The following OSTC variants were observed in gnomAD, a reference collection of about 807,000 sequenced individuals.
OSTC encodes oligosaccharyltransferase complex non-catalytic subunit, also known as oligosaccharyltransferase complex subunit OSTC.
A neutral mutation model predicts 16.4 loss-of-function variants in OSTC; 16 were observed. The ratio of observed to expected loss-of-function variants is 0.98; its 90% confidence interval spans 0.66 to 1.49. OSTC has a LOEUF of 1.49. Ranked by LOEUF, OSTC falls within the 40% of genes most tolerant of loss-of-function variation. The pLI, the probability that OSTC is intolerant of heterozygous loss-of-function variation, is 0.00. For synonymous variants in OSTC, 67 were observed against 68.5 expected (o/e 0.98, Z 0.11); for missense variants, 139 against 186.3 (o/e 0.75, Z 1.48).
chr4:108,664,025 T>C (rs1306256243), intron 3 of OSTC, among the ~76,000 whole-genome samples: 1 of 152,224 alleles, frequency 6.6e-6, no homozygotes, highest in Non-Finnish European at 1.5e-5. Context: ...GTATATATTA[T>C]AGTAAGTGTA....
intron 3 of OSTC, among the ~76,000 whole-genome samples, chr4:108,657,894 A>G (rs1452502588): frequency 6.8e-6 from 1 of 146,396 alleles, no homozygotes; most frequent in Non-Finnish European, 1.5e-5. Flanking sequence ...CCTGGCATCA[A>G]TGACTGAAGA....
intron 3 of OSTC, among the ~76,000 whole-genome samples, chr4:108,663,826 T>C (rs1726925723): frequency 1.3e-5 from 2 of 152,242 alleles, no homozygotes; most frequent in East Asian, 1.9e-4. Context: ...TGAGTGATTA[T>C]TGAAAGAATG....
In OSTC at chr4:108,667,261, G is replaced by C; in HGVS notation, c.446G>C (p.Gly149Ala). ...MRMKLPGYLM[G>A] is the part of the protein sequence containing the mutation. ...TATTTCTGCAGGGGCTATCTGATGGGTTAGAGTGCCTTTGAGAAGAAATCA... is the reference window on the plus strand; with the variant it reads ...TATTTCTGCAGGGGCTATCTGATGGCTTAGAGTGCCTTTGAGAAGAAATCA... Residue 149 changes from glycine (G) to alanine (A), a missense_variant, in exon 4 of 4, where the codon GGT becomes GCT. By Grantham distance (60) the Gly-to-Ala change is moderately conservative. Coordinates refer to ENST00000361564, the MANE Select transcript of OSTC (RefSeq NM_021227.4). 2 of 1,609,158 alleles carry C rather than the reference G, an allele frequency of 1.2e-6. No homozygotes were observed. The highest frequency in any genetic ancestry group is 1.7e-6 in the Non-Finnish European group (2 of 1,177,250).
intron 3 of OSTC, among the ~76,000 whole-genome samples, chr4:108,659,210 G>A (rs1726791911): frequency 1.3e-5 from 2 of 150,258 alleles, no homozygotes; most frequent in African/African-American, 4.9e-5. Flanking sequence ...TGGAACGCTT[G>A]ACTTCATGAT....
At position 108,657,547 on chromosome 4, in the gene OSTC, A is replaced by G. The variant is rs2110383625; in HGVS notation, c.331A>G (p.Asn111Asp). The change falls in exon 3 of 4, where the codon AAT (asparagine) becomes GAT (aspartate). Residue 111 changes from asparagine (N) to aspartate (D), a missense_variant. Transcript: ENST00000361564. The stretch of plus-strand genomic sequence containing the variant: ...AATCCTGGACCGATCGAATGCACCA[A>G]ATATCCCAAAACTCAATAGATTCCT... ...FIILDRSNAP[N>D]IPKLNRFLLL... 6.2e-7 allele frequency: 1 copy of G among 1,613,784 alleles called. No individual in the cohort carries two copies. The highest frequency in any genetic ancestry group is 1.1e-5 in the South Asian group (1 of 91,070).
chr4:108,656,638 T>A (rs550101514), intron 2 of OSTC, among the ~76,000 whole-genome samples: 8 of 152,142 alleles, frequency 5.3e-5, no homozygotes, highest in Non-Finnish European at 1.2e-4. Context: ...TCACTGAAGT[T>A]CTTATGGGAC....
At chr4:108,659,772 A>AAAAAG (rs201220947) in intron 3 of OSTC, among the ~76,000 whole-genome samples, 8 of 152,120 alleles carry the variant, frequency 5.3e-5, no homozygotes, top group South Asian at 2.1e-4. Flanking sequence ...CCATCTCAAA[A>AAAAAG]AAAAGAAAAG....
intron 3 of OSTC, among the ~76,000 whole-genome samples, chr4:108,664,950 T>G (rs1172901521): frequency 1.3e-5 from 2 of 152,164 alleles, no homozygotes; most frequent in African/African-American, 2.4e-5. Context: ...GTGAGAAGTA[T>G]CTGGTTGTCA....
At position 108,667,692 on chromosome 4, in the gene OSTC, G is replaced by GC; in HGVS notation, c.*428dup. ...GCTGAGAACTCTGGACAGTTGATCA[G>GC]CTTTACCTATGGTGCTTTGCCTTTA... On this transcript the variant is annotated 3_prime_UTR_variant, in exon 4 of 4. Coordinates refer to ENST00000361564, the MANE Select transcript of OSTC (RefSeq NM_021227.4). 1 of 156,174 alleles carries GC rather than the reference G, an allele frequency of 6.4e-6. No individual in the cohort carries two copies. The highest frequency in any genetic ancestry group is 1.4e-5 in the Non-Finnish European group (1 of 70,552). 9.7% of individuals were successfully genotyped at this position (156,174 alleles called of 1,614,324 possible). A position where few individuals can be genotyped will look rare whatever the true frequency, so the allele number is the denominator to read the frequency against.
intron 3 of OSTC, among the ~76,000 whole-genome samples, chr4:108,663,781 C>G (rs2851377): frequency 0.81 from 123,332 of 151,762 alleles, 50,440 homozygotes; most frequent in East Asian, 1. Flanking sequence ...TTAGTGCTAA[C>G]CTAGCACAGA....
intron 1 of OSTC, chr4:108,651,555 TGA>T (rs1560621547): frequency 6.6e-6 from 1 of 152,174 alleles, no homozygotes. Flanking sequence ...TATGTACTGG[TGA>T]GTTGGCAATC....
chr4:108,667,102 C>A, intron 3 of OSTC, 145 bp from the exon 4 acceptor site: 1 of 622,312 alleles, frequency 1.6e-6, no homozygotes, highest in Non-Finnish European at 2.7e-6. Flanking sequence ...AAATAAGGAC[C>A]ATAATAAAGA....
intron 1 of OSTC, among the ~76,000 whole-genome samples, chr4:108,653,779 T>C (rs946249958): frequency 1.3e-5 from 2 of 152,184 alleles, no homozygotes; most frequent in African/African-American, 2.4e-5. Flanking sequence ...CTAACAGACA[T>C]TTCTGGAACT....
chr4:108,652,629 G>A (rs1231961637), intron 1 of OSTC, among the ~76,000 whole-genome samples: 1 of 152,138 alleles, frequency 6.6e-6, no homozygotes, highest in African/African-American at 2.4e-5. Context: ...TTAAGTTTCA[G>A]GCACTAGGTA....
chr4:108,650,929 A>T (rs999652588), intron 1 of OSTC, 135 bp downstream of exon 1: 1 of 1,305,054 alleles, frequency 7.7e-7, no homozygotes, highest in Non-Finnish European at 1.0e-6. Context: ...GGTGGAGGGG[A>T]GTTCTGGGGT....
At chr4:108,663,420 C>G (rs114785964) in intron 3 of OSTC, 1 of 321,964 alleles carries the variant, frequency 3.1e-6, no homozygotes, top group African/African-American at 2.3e-5. Context: ...ACCGTGTTAG[C>G]CAGTGATCTC....
At chr4:108,662,020 C>G (rs1467949146) in intron 3 of OSTC, among the ~76,000 whole-genome samples, 1 of 152,130 alleles carries the variant, frequency 6.6e-6, no homozygotes, top group East Asian at 1.9e-4. Flanking sequence ...TCAGGCAAGT[C>G]TGTTATAAAG....
In OSTC at chr4:108,650,922, G is replaced by T. The variant is rs1181532868; in HGVS notation, c.139+128G>T. ...TCTGCTTTGGATCTTTTCTGAGGGT[G>T]GAGGGGAGTTCTGGGGTCCGAAGTG... On this transcript the variant is annotated intron_variant, in intron 1 of 3. Coordinates refer to ENST00000361564, the MANE Select transcript of OSTC (RefSeq NM_021227.4). 4.3e-6 allele frequency: 6 copies of T among 1,381,942 alleles called. No individual in the cohort carries two copies. The African/African-American group carries it at 8.7e-5, about 20-fold the overall frequency. The allele number at this position is 1,381,942 out of a possible 1,614,324, so 85.6% of individuals were successfully genotyped here. A position where few individuals can be genotyped will look rare whatever the true frequency, so the allele number is the denominator to read the frequency against.
intron 1 of OSTC, among the ~76,000 whole-genome samples, chr4:108,654,701 G>A (rs1726654875): frequency 6.6e-6 from 1 of 152,214 alleles, no homozygotes; most frequent in South Asian, 2.1e-4. Flanking sequence ...TAGAGTAGAT[G>A]TTGACAGTGG....
Sources: gnomAD v4.1 joint callset for allele counts (sites outside exome capture counted in the v4.1 genomes callset) on GRCh38, gnomAD v4.1.1 for gene constraint, MANE v1.5 for transcripts, NCBI Gene and HGNC (gene_info 2026-07-23, HGNC 2026-07-21) for gene names.